HPSE2: variants seen among roughly 807,000 people sequenced by gnomAD.
HPSE2 encodes inactive heparanase-2.
Under a neutral mutation model 60.5 loss-of-function variants are expected in HPSE2, and 38 were observed. The ratio of observed to expected loss-of-function variants is 0.63; its 90% confidence interval spans 0.48 to 0.82. HPSE2 has a LOEUF of 0.82. Ranked by LOEUF, HPSE2 falls within the 40% of genes least tolerant of loss-of-function variation. The probability of loss-of-function intolerance (pLI) is 0.00; values close to 1 mark genes in which losing one functional copy is unlikely to be tolerated. For synonymous variants in HPSE2, 295 were observed against 293.2 expected (o/e 1.01, Z -0.06); for missense variants, 713 against 740.4 (o/e 0.96, Z 0.43).
chr10:98,496,058 T>TGC (rs947484605), intron 9 of HPSE2, among the ~76,000 whole-genome samples: 1 of 152,080 alleles, frequency 6.6e-6, no homozygotes, highest in African/African-American at 2.4e-5. Context: ...TTGGTGTGTG[T>TGC]GTGTGTGTAA....
At chr10:99,071,753 GA>G (rs1461595098) in intron 3 of HPSE2, among the ~76,000 whole-genome samples, 1 of 152,186 alleles carries the variant, frequency 6.6e-6, no homozygotes, top group Non-Finnish European at 1.5e-5. Flanking sequence ...CCACGTGTAA[GA>G]AAAGGGTCCA....
intron 3 of HPSE2, among the ~76,000 whole-genome samples, chr10:98,751,861 G>C (rs1949766075): frequency 6.6e-6 from 1 of 152,186 alleles, no homozygotes; most frequent in Admixed American, 6.5e-5. Flanking sequence ...GCTTTAATGA[G>C]TTGTGATAGA....
intron 3 of HPSE2, among the ~76,000 whole-genome samples, chr10:98,857,228 A>T (rs1303684275): frequency 6.6e-6 from 1 of 152,154 alleles, no homozygotes; most frequent in Non-Finnish European, 1.5e-5. Context: ...TATTTATTCT[A>T]GGGTCATTAA....
At chr10:99,273,440 T>C in the HPSE2 span, among the ~76,000 whole-genome samples, 1 of 152,196 alleles carries the variant, frequency 6.6e-6, no homozygotes, top group Non-Finnish European at 1.5e-5. Context: ...AAAATTTTTT[T>C]AGTTGAAGAA....
At chr10:98,726,841 C>A (rs950207100) in intron 4 of HPSE2, among the ~76,000 whole-genome samples, 2 of 151,734 alleles carry the variant, frequency 1.3e-5, no homozygotes, top group African/African-American at 4.8e-5. Context: ...AAGTGTGAAA[C>A]CTAGGACACT....
At chr10:99,026,967 A>G (rs1042692077) in intron 3 of HPSE2, among the ~76,000 whole-genome samples, 2 of 152,048 alleles carry the variant, frequency 1.3e-5, no homozygotes, top group African/African-American at 4.8e-5. Context: ...GGGATACAGC[A>G]AAGGAAGTAC....
intron 3 of HPSE2, among the ~76,000 whole-genome samples, chr10:98,764,424 T>C (rs755607597): frequency 2.0e-4 from 31 of 152,138 alleles, no homozygotes; most frequent in Non-Finnish European, 4.1e-4. Context: ...TAGAAATCTA[T>C]AGAACCATAT....
chr10:98,671,034 A>C (rs1406170337), intron 6 of HPSE2, among the ~76,000 whole-genome samples: 1 of 152,210 alleles, frequency 6.6e-6, no homozygotes, highest in Non-Finnish European at 1.5e-5. Flanking sequence ...GGTGTTAAAA[A>C]AATTTTGGAT....
chr10:99,241,035 A>G, the HPSE2 span, among the ~76,000 whole-genome samples: 4 of 152,194 alleles, frequency 2.6e-5, no homozygotes, highest in African/African-American at 9.7e-5. Flanking sequence ...TCTCAAAAAA[A>G]CCCTAAGAAG....
At chr10:98,947,770 T>C (rs1419460065) in intron 3 of HPSE2, among the ~76,000 whole-genome samples, 2 of 152,014 alleles carry the variant, frequency 1.3e-5, no homozygotes, top group African/African-American at 4.8e-5. Flanking sequence ...AAAAGATAAA[T>C]ACAAGCTACC....
At chr10:98,532,496 T>A (rs752028261) in intron 9 of HPSE2, among the ~76,000 whole-genome samples, 1 of 152,194 alleles carries the variant, frequency 6.6e-6, no homozygotes, top group Non-Finnish European at 1.5e-5. Context: ...CTCAGGGGGT[T>A]ACTGAGAGGA....
chr10:98,744,089 C>A, intron 3 of HPSE2, 33 bp from the exon 4 acceptor site: 1 of 1,599,598 alleles, frequency 6.3e-7, no homozygotes, highest in Non-Finnish European at 8.6e-7. Context: ...TTGTAACTTT[C>A]AAATCAACAT....
chr10:99,062,633 A>C (rs1396908543), intron 3 of HPSE2, among the ~76,000 whole-genome samples: 2 of 152,168 alleles, frequency 1.3e-5, no homozygotes, highest in African/African-American at 4.8e-5. Flanking sequence ...GAATCAAGGG[A>C]ACCACTGAGA....
intron 3 of HPSE2, among the ~76,000 whole-genome samples, chr10:98,871,725 C>T (rs750349194): frequency 4.0e-5 from 6 of 151,830 alleles, no homozygotes; most frequent in African/African-American, 7.3e-5. Flanking sequence ...GAAAAACAGC[C>T]TAAGGAAGGG....
chr10:98,697,948 A>T (rs1478757779), intron 5 of HPSE2, among the ~76,000 whole-genome samples: 2 of 150,674 alleles, frequency 1.3e-5, no homozygotes, highest in Non-Finnish European at 3.0e-5. Context: ...AACTATCCTA[A>T]ATATATATGC....
At position 98,937,005 on chromosome 10, in the gene HPSE2, ACAAG is replaced by A. The variant is rs1564670668; in HGVS notation, c.611-192953_611-192950del. 2.4e-4 allele frequency among the ~76,000 whole-genome samples: 32 copies of A among 133,028 alleles called. 7 individuals carry two copies. The highest frequency in any genetic ancestry group is 1.0e-3 in the African/African-American group (31 of 30,950). The allele number at this position is 133,028 out of a possible 152,430, so 87.3% of individuals were successfully genotyped here. A position where few individuals can be genotyped will look rare whatever the true frequency, so the allele number is the denominator to read the frequency against. ...AAAAAAAAAAAAAAAAAAAAAAAAAACAAGTTTTCCAACTTTTTGGAAAATTTTA... is the reference window on the plus strand; with the variant it reads ...AAAAAAAAAAAAAAAAAAAAAAAAAATTTTCCAACTTTTTGGAAAATTTTA... On this transcript the variant is annotated intron_variant, in intron 3 of 11. Transcript: ENST00000370552.
At chr10:98,825,730 AC>A (rs1371362278) in intron 3 of HPSE2, among the ~76,000 whole-genome samples, 3 of 152,266 alleles carry the variant, frequency 2.0e-5, no homozygotes, top group Non-Finnish European at 4.4e-5. Flanking sequence ...ACACAGTTCT[AC>A]CCAATGAGAC....
intron 3 of HPSE2, among the ~76,000 whole-genome samples, chr10:99,073,325 G>A (rs1298870200): frequency 6.6e-6 from 1 of 152,136 alleles, no homozygotes; most frequent in Non-Finnish European, 1.5e-5. Flanking sequence ...GTCCTTTGCA[G>A]GGACATGGAT....
intron 3 of HPSE2, among the ~76,000 whole-genome samples, chr10:99,040,271 C>A (rs181376727): frequency 6.6e-6 from 1 of 152,030 alleles, no homozygotes; most frequent in Non-Finnish European, 1.5e-5. Context: ...TTTACCTAAT[C>A]GTTACTCTAT....
Sources: allele counts gnomAD v4.1 joint callset (sites outside exome capture counted in the v4.1 genomes callset), GRCh38; gene constraint gnomAD v4.1.1; transcripts MANE v1.5; gene names NCBI Gene and HGNC (gene_info 2026-07-23, HGNC 2026-07-21).